The following TMEM163 variants were observed in gnomAD, a reference collection of about 807,000 sequenced individuals.
The protein encoded by TMEM163 is transmembrane protein 163.
In TMEM163, 17 loss-of-function variants were observed where a neutral mutation model predicts 29.3. The ratio of observed to expected loss-of-function variants is 0.58; its 90% CI spans 0.40 to 0.87. TMEM163 has a LOEUF of 0.87. Among genes scored for constraint, TMEM163 ranks in the 40% least tolerant of loss-of-function variants. The probability of loss-of-function intolerance (pLI) is 0.00; values close to 1 mark genes in which losing one functional copy is unlikely to be tolerated. For missense variants in TMEM163, 303 were observed against 381.5 expected (o/e 0.79, Z 1.71); for synonymous variants, 157 against 160.6 (o/e 0.98, Z 0.17).
intron 2 of TMEM163, among the ~76,000 whole-genome samples, chr2:134,618,652 A>C (rs1346915000): frequency 6.6e-6 from 1 of 152,066 alleles, no homozygotes; most frequent in Admixed American, 6.5e-5. Context: ...TAAATTTAAA[A>C]TACTTAATTC....
chr2:134,570,600 T>C (rs945823118), intron 2 of TMEM163, among the ~76,000 whole-genome samples: 3 of 152,150 alleles, frequency 2.0e-5, no homozygotes, highest in African/African-American at 7.2e-5. Flanking sequence ...GGAGGGGCTG[T>C]TCCTTTTTAG....
At chr2:134,592,662 AG>A (rs1293799191) in intron 2 of TMEM163, among the ~76,000 whole-genome samples, 1 of 152,090 alleles carries the variant, frequency 6.6e-6, no homozygotes, top group Non-Finnish European at 1.5e-5. Context: ...CCCTTAGCCC[AG>A]GGGGTTGGGG....
intron 6 of TMEM163, among the ~76,000 whole-genome samples, chr2:134,464,954 G>A (rs150820298): frequency 0.015 from 2,296 of 152,142 alleles, 69 homozygotes; most frequent in African/African-American, 0.052. Flanking sequence ...TCCGTCCTGC[G>A]GGTGAGAAGG....
At chr2:134,616,741 T>C (rs545525283) in intron 2 of TMEM163, among the ~76,000 whole-genome samples, 1 of 152,340 alleles carries the variant, frequency 6.6e-6, no homozygotes, top group Non-Finnish European at 1.5e-5. Context: ...TATTGTACTA[T>C]AGTTATATAA....
rs181987991 is a variant in TMEM163 at position 134,519,605 on chromosome 2, G to A, written c.459-16608C>T. Among the ~76,000 whole-genome samples, 58 of 152,104 alleles carry A rather than the reference G, an allele frequency of 3.8e-4. No homozygotes were observed. In the East Asian group the frequency reaches 9.1e-3, roughly 24 times the overall value. The stretch of plus-strand genomic sequence containing the variant: ...GGGGTGCCTGTAGTCGCAGCTACTC[G>A]GGAGGCTGAGGCAGGAGAATGGCCA... On this transcript the variant is annotated intron_variant, in intron 4 of 7. Transcript: ENST00000281924.
At chr2:134,564,730 C>T (rs1681258317) in intron 2 of TMEM163, among the ~76,000 whole-genome samples, 1 of 152,140 alleles carries the variant, frequency 6.6e-6, no homozygotes, top group Non-Finnish European at 1.5e-5. Context: ...ACACAAATGA[C>T]CAATAAACAT....
At chr2:134,481,224 C>T (rs1321552506) in intron 5 of TMEM163, among the ~76,000 whole-genome samples, 1 of 152,112 alleles carries the variant, frequency 6.6e-6, no homozygotes, top group East Asian at 1.9e-4. Context: ...CATGGCCCTC[C>T]CCCGACAGGT....
chr2:134,710,762 G>A (rs1210615729), intron 2 of TMEM163, among the ~76,000 whole-genome samples: 1 of 151,910 alleles, frequency 6.6e-6, no homozygotes. Flanking sequence ...GTAGCAAGAA[G>A]CCATGTCCAT....
intron 6 of TMEM163, among the ~76,000 whole-genome samples, chr2:134,464,371 C>A (rs996702768): frequency 4.6e-5 from 7 of 152,298 alleles, no homozygotes; most frequent in African/African-American, 1.7e-4. Flanking sequence ...CCAATTCAAT[C>A]CCCTGGAGTC....
At chr2:134,682,452 G>C (rs1009253744) in intron 2 of TMEM163, among the ~76,000 whole-genome samples, 1 of 152,210 alleles carries the variant, frequency 6.6e-6, no homozygotes, top group Non-Finnish European at 1.5e-5. Context: ...AAACTGAGGT[G>C]AGTAGGGGCC....
intron 2 of TMEM163, among the ~76,000 whole-genome samples, chr2:134,680,813 C>T (rs759296325): frequency 1.2e-4 from 19 of 152,248 alleles, no homozygotes; most frequent in South Asian, 4.1e-4. Flanking sequence ...AGCCCAGCTT[C>T]GCCACGTGTC....
chr2:134,521,312 A>T (rs1421501450), intron 4 of TMEM163, among the ~76,000 whole-genome samples: 2 of 152,032 alleles, frequency 1.3e-5, no homozygotes, highest in Non-Finnish European at 2.9e-5. Context: ...CTTTTTTTCT[A>T]AGGCTTAGGC....
chr2:134,462,474 C>A (rs1365021462), intron 6 of TMEM163, among the ~76,000 whole-genome samples: 2 of 152,202 alleles, frequency 1.3e-5, no homozygotes, highest in Non-Finnish European at 2.9e-5. Context: ...GGAAGGGACT[C>A]CCCCATGCCC....
chr2:134,616,127 G>A (rs143649421), intron 2 of TMEM163, among the ~76,000 whole-genome samples: 2 of 152,310 alleles, frequency 1.3e-5, no homozygotes, highest in East Asian at 3.9e-4. Context: ...AAGTGGACTG[G>A]TCAAGAGCAA....
intron 2 of TMEM163, among the ~76,000 whole-genome samples, chr2:134,606,619 C>T (rs1682371816): frequency 6.6e-6 from 1 of 152,180 alleles, no homozygotes; most frequent in African/African-American, 2.4e-5. Context: ...GGGGCTGTGC[C>T]TCCTGTGTCA....
chr2:134,481,463 C>T (rs1679179224), intron 5 of TMEM163, among the ~76,000 whole-genome samples: 1 of 151,992 alleles, frequency 6.6e-6, no homozygotes, highest in Admixed American at 6.6e-5. Context: ...GGGGAGTTTT[C>T]CTGCACAAGC....
intron 2 of TMEM163, among the ~76,000 whole-genome samples, chr2:134,640,231 C>A (rs758851334): frequency 2.6e-5 from 4 of 152,116 alleles, no homozygotes. Flanking sequence ...GATGGCAGAG[C>A]ACAAGGACCA....
At chr2:134,543,818 G>A (rs1322712010) in intron 4 of TMEM163, among the ~76,000 whole-genome samples, 1 of 152,144 alleles carries the variant, frequency 6.6e-6, no homozygotes, top group Non-Finnish European at 1.5e-5. Flanking sequence ...TTTCACATGG[G>A]AAGACACACA....
chr2:134,499,512 G>A (rs909507601), intron 5 of TMEM163, among the ~76,000 whole-genome samples: 7 of 152,322 alleles, frequency 4.6e-5, no homozygotes, highest in African/African-American at 1.7e-4. Context: ...TCCCCAGAGA[G>A]CCAGCTGGCC....
Sources: allele counts gnomAD v4.1 joint callset (sites outside exome capture counted in the v4.1 genomes callset), GRCh38; gene constraint gnomAD v4.1.1; transcripts MANE v1.5; gene names NCBI Gene and HGNC (gene_info 2026-07-23, HGNC 2026-07-21).